The following EEF2K variants were observed in gnomAD, a reference collection of about 807,000 sequenced individuals.
EEF2K encodes the protein eukaryotic elongation factor 2 kinase.
EEF2K carries 70 observed loss-of-function variants against 93.8 expected under a neutral mutation model. The ratio of observed to expected loss-of-function variants is 0.75; its 90% CI spans 0.62 to 0.91. The LOEUF (loss-of-function observed/expected upper bound fraction) is 0.91. Among genes scored for constraint, EEF2K ranks in the 40% least tolerant of loss-of-function variants. The pLI, the probability that EEF2K is intolerant of heterozygous loss-of-function variation, is 0.00. For synonymous variants in EEF2K, 376 were observed against 380.8 expected, an observed-to-expected ratio of 0.99 and a Z score of 0.15; for missense variants, 935 against 972.9, an observed-to-expected ratio of 0.96 and a Z score of 0.52.
In EEF2K at chr16:22,258,522, CAG is replaced by C. The variant is rs1403032990; in HGVS notation, c.1061_1062del (p.Glu354GlyfsTer63). On this transcript the variant is annotated frameshift_variant, in exon 10 of 18. Transcript: ENST00000263026. LOFTEE classifies it high-confidence loss of function. The stretch of plus-strand genomic sequence containing the variant: ...TCAGCCAAGACCATCTTGAGAGGAA[CAG>C]AGGAAAAATGTGGGAGCCCCCAAGT... 6.2e-7 allele frequency: 1 copy of C among 1,614,038 alleles called. No individual in the cohort carries two copies. Among genetic ancestry groups the C allele is most frequent in the Non-Finnish European group, 8.5e-7 (1 of 1,180,018 alleles).
intron 3 of EEF2K, among the ~76,000 whole-genome samples, chr16:22,248,367 A>G (rs1176300736): frequency 2.0e-5 from 3 of 151,814 alleles, no homozygotes; most frequent in Admixed American, 6.6e-5. Flanking sequence ...CCGGCCATGT[A>G]TATTTATTAA....
chr16:22,249,302 A>G (rs576618272), intron 4 of EEF2K, among the ~76,000 whole-genome samples: 2 of 148,930 alleles, frequency 1.3e-5, no homozygotes, highest in East Asian at 3.9e-4. Flanking sequence ...CTTTTGAAGA[A>G]AAAAAAAAAA....
At chr16:22,239,327 G>C (rs970970340) in intron 2 of EEF2K, among the ~76,000 whole-genome samples, 2 of 152,082 alleles carry the variant, frequency 1.3e-5, no homozygotes, top group Admixed American at 1.3e-4. Flanking sequence ...ACGGAGTGGC[G>C]GAGTCGTTTG....
At chr16:22,252,983 A>G (rs1474978395) in intron 6 of EEF2K, among the ~76,000 whole-genome samples, 1 of 152,214 alleles carries the variant, frequency 6.6e-6, no homozygotes, top group African/African-American at 2.4e-5. Flanking sequence ...TATGGGAGCT[A>G]CAATTCAAGA....
intron 17 of EEF2K, among the ~76,000 whole-genome samples, chr16:22,282,869 A>C (rs538924086): frequency 1.3e-5 from 2 of 152,370 alleles, no homozygotes; most frequent in East Asian, 3.9e-4. Context: ...AGAGTTCAAC[A>C]TATGAATTTG....
Position 22,280,251 on chromosome 16 carries a change from CG to C in EEF2K, c.1945del (p.Asp649ThrfsTer18). The C allele has an allele frequency of 6.2e-7, 1 of 1,600,928 alleles. No individual in the cohort carries two copies. The highest frequency in any genetic ancestry group is 2.3e-5 in the East Asian group (1 of 43,652). The stretch of plus-strand genomic sequence containing the variant: ...TGGTACAACACTGCCCTGGAGATGA[CG>C]GACTGTGATGAGGGCGGTGAGTACG... Reference protein sequence around the residue: ...LHWYNTALEMTDCDEGGEYDG... With the variant: ...LHWYNTALEMXDCDEGGEYDG... On this transcript the variant is annotated frameshift_variant, in exon 17 of 18. Transcript: ENST00000263026. LOFTEE classifies it high-confidence loss of function.
At chr16:22,219,105 A>G (rs552990211) in intron 1 of EEF2K, among the ~76,000 whole-genome samples, 24 of 152,234 alleles carry the variant, frequency 1.6e-4, no homozygotes, top group African/African-American at 4.8e-5. Context: ...AGGGAACCCC[A>G]GGATAGATAG....
intron 2 of EEF2K, among the ~76,000 whole-genome samples, chr16:22,237,498 C>T (rs778767805): frequency 5.3e-5 from 8 of 151,720 alleles, no homozygotes; most frequent in South Asian, 4.2e-4. Flanking sequence ...ATTAGCCAGG[C>T]GTGGTGGCGT....
At chr16:22,267,220 T>G (rs577905817) in intron 15 of EEF2K, among the ~76,000 whole-genome samples, 34 of 152,218 alleles carry the variant, frequency 2.2e-4, no homozygotes, top group Admixed American at 8.5e-4. Context: ...TGCTCATCAG[T>G]TCTGTGTGTA....
chr16:22,239,217 A>G (rs1395571455), intron 2 of EEF2K, among the ~76,000 whole-genome samples: 1 of 152,184 alleles, frequency 6.6e-6, no homozygotes, highest in Non-Finnish European at 1.5e-5. Flanking sequence ...ATTCTGCAGT[A>G]CTTTCCTCCC....
intron 13 of EEF2K, among the ~76,000 whole-genome samples, chr16:22,265,453 T>G (rs2047507645): frequency 6.6e-6 from 1 of 152,196 alleles, no homozygotes; most frequent in African/African-American, 2.4e-5. Context: ...GTCATCTCTC[T>G]TCAAATCCTA....
chr16:22,283,854 C>T, intron 17 of EEF2K, 33 bp from the exon 18 acceptor site: 1 of 1,555,136 alleles, frequency 6.4e-7, no homozygotes, highest in South Asian at 1.2e-5. Flanking sequence ...ACAGGTGGTT[C>T]ACCTCTTTTT....
intron 1 of EEF2K, among the ~76,000 whole-genome samples, chr16:22,209,468 G>C (rs1393580640): frequency 1.3e-5 from 2 of 152,190 alleles, no homozygotes; most frequent in Non-Finnish European, 2.9e-5. Context: ...GCAGAAGCTT[G>C]GACTTGTTCA....
intron 6 of EEF2K, among the ~76,000 whole-genome samples, chr16:22,254,035 G>A (rs2047376123): frequency 1.3e-5 from 2 of 152,250 alleles, no homozygotes; most frequent in South Asian, 4.1e-4. Flanking sequence ...AGAGGCGGAG[G>A]CTGCAGTGAG....
rs771682445 is a variant in EEF2K, at chr16:22,258,493, G to A, written c.1030-1G>A. 1.2e-6 allele frequency: 2 copies of A among 1,613,800 alleles called. No homozygotes were observed. The highest frequency in any genetic ancestry group is 2.7e-5 in the African/African-American group (2 of 74,886). On this transcript the variant is annotated splice_acceptor_variant, in intron 9 of 17. Transcript: ENST00000263026. LOFTEE classifies it high-confidence loss of function. ...ATGAGTATCCCTATTAATGTCCCTA[G>A]CAATCAGCCAAGACCATCTTGAGAG... is the stretch of plus-strand genomic sequence containing the variant.
chr16:22,267,917 G>C (rs1488242487), intron 15 of EEF2K, among the ~76,000 whole-genome samples: 4 of 152,170 alleles, frequency 2.6e-5, no homozygotes, highest in Non-Finnish European at 5.9e-5. Flanking sequence ...CCCAGGAGAA[G>C]TTGAGAAGCC....
chr16:22,244,792 A>G, intron 3 of EEF2K, 62 bp downstream of exon 3: 2 of 1,546,156 alleles, frequency 1.3e-6, no homozygotes, highest in South Asian at 2.3e-5. Context: ...TTCTGTTCCC[A>G]ATCAGTGAGG....
At chr16:22,225,386 G>A (rs957676877) in intron 1 of EEF2K, among the ~76,000 whole-genome samples, 5 of 152,216 alleles carry the variant, frequency 3.3e-5, no homozygotes, top group African/African-American at 1.2e-4. Flanking sequence ...GCTAAAAAGA[G>A]CACTCTGCTT....
In EEF2K at chr16:22,284,984, C is replaced by G. The variant is rs1011452120; in HGVS notation, c.*988C>G. On this transcript the variant is annotated 3_prime_UTR_variant, in exon 18 of 18. Transcript: ENST00000263026. ...ATGCTACTGATTTTCTGGCATACAG[C>G]CGAATTCCATCTTTTAAGCATGCTT... 1.3e-5 allele frequency: 2 copies of G among 152,580 alleles called. No individual in the cohort carries two copies. Among genetic ancestry groups the G allele is most frequent in the Non-Finnish European group, 2.9e-5 (2 of 68,036 alleles). The allele number at this position is 152,580 out of a possible 1,614,324, so 9.5% of individuals were successfully genotyped here.
Sources: allele counts gnomAD v4.1 joint callset (sites outside exome capture counted in the v4.1 genomes callset), GRCh38; gene constraint gnomAD v4.1.1; transcripts MANE v1.5; gene names NCBI Gene and HGNC (gene_info 2026-07-23, HGNC 2026-07-21).